PTH2R: variants seen among roughly 807,000 people sequenced by gnomAD.
PTH2R encodes PTH2 receptor.
PTH2R carries 59 observed loss-of-function variants against 60.3 expected under a neutral mutation model. The observed-to-expected ratio is 0.98, with a 90% CI of 0.79 to 1.22. The LOEUF is 1.22. PTH2R is among the 50% of genes most tolerant of loss of function. PTH2R has a pLI of 0.00. For synonymous variants in PTH2R, 256 were observed against 243.8 expected, an observed-to-expected ratio of 1.05 and a Z score of -0.47; for missense variants, 749 against 682.6, an observed-to-expected ratio of 1.10 and a Z score of -1.08.
At chr2:208,361,195 A>G (rs2125863234) in intron 1 of PTH2R, 1 of 155,122 alleles carries the variant, frequency 6.4e-6, no homozygotes, top group East Asian at 1.9e-4. Flanking sequence ...CGATGAGGTT[A>G]CTCTTGGAGG....
Position 208,437,833 on chromosome 2 carries a change from T to C in PTH2R, c.363T>C (p.Asn121=). The part of the protein sequence containing the change: ...FMHSLNKTWA[N]YSDCLRFLQP... ...ACAGCTTAAATAAAACATGGGCCAA[T>C]TATTCAGACTGCCTTCGCTTTCTGC... Residue 121 remains asparagine (N), a synonymous_variant, in exon 4 of 13, where the codon AAT becomes AAC. Transcript: ENST00000272847. The C allele has an allele frequency of 1.2e-6, 2 of 1,613,906 alleles. No individual in the cohort carries two copies. Among genetic ancestry groups the C allele is most frequent in the East Asian group, 4.5e-5 (2 of 44,876 alleles).
intron 1 of PTH2R, among the ~76,000 whole-genome samples, chr2:208,410,027 A>G (rs544871213): frequency 6.6e-6 from 1 of 152,230 alleles, no homozygotes; most frequent in East Asian, 1.9e-4. Flanking sequence ...TTCCAACTCA[A>G]AGGAGAACCT....
Position 208,428,270 on chromosome 2 carries a change from G to A in PTH2R, c.145G>A (p.Glu49Lys). The A allele has an allele frequency of 6.2e-7, 1 of 1,613,322 alleles. No homozygotes were observed. Among genetic ancestry groups the A allele is most frequent in the Non-Finnish European group, 8.5e-7 (1 of 1,179,688 alleles). The change falls in exon 2 of 13, where the codon GAA becomes AAA. Residue 49 changes from glutamate (E) to lysine (K), a missense_variant. Physicochemically the swap from Glu to Lys is moderately conservative, Grantham distance 56 (BLOSUM62 1). Coordinates refer to ENST00000272847, the MANE Select transcript of PTH2R (RefSeq NM_005048.4). ...VLVLKAKVQC[E>K]LNITAQLQEG... ...TGTGCTGAAAGCGAAAGTACAATGT[G>A]AACTCAACATCACAGCTCAACTCCA...
At chr2:208,359,720 C>G (rs1355119757) in exon 1 of PTH2R, 2 of 152,926 alleles carry the variant, frequency 1.3e-5, no homozygotes, top group African/African-American at 4.8e-5. Context: ...CTCCGTGCTC[C>G]GAGGGACCAC....
At chr2:208,374,224 T>C (rs1046072372) in intron 1 of PTH2R, among the ~76,000 whole-genome samples, 3 of 152,114 alleles carry the variant, frequency 2.0e-5, no homozygotes, top group African/African-American at 4.8e-5. Flanking sequence ...GGTTCTTTTT[T>C]ACTCTTGATC....
intron 1 of PTH2R, among the ~76,000 whole-genome samples, chr2:208,365,493 C>T (rs1418538032): frequency 6.6e-6 from 1 of 151,996 alleles, no homozygotes; most frequent in Non-Finnish European, 1.5e-5. Flanking sequence ...CATTGATTTT[C>T]ATATGTTGAA....
rs575015547 is a variant in PTH2R, at chr2:208,394,255, GT to G, written c.-258-33945del. On this transcript the variant is annotated intron_variant, in intron 1 of 12. Coordinates refer to the PTH2R transcript ENST00000617735. ...ATGCCCTTGTGCAATAGAATATGAA[GT>G]GCTTTTTCTTCAAAGTCTCAGGGCC... 2.1e-3 allele frequency among the ~76,000 whole-genome samples: 315 copies of G among 152,348 alleles called. 2 individuals are homozygous for G. The highest frequency in any genetic ancestry group is 7.2e-3 in the African/African-American group (299 of 41,576).
intron 1 of PTH2R, among the ~76,000 whole-genome samples, chr2:208,380,264 G>A (rs538959066): frequency 6.6e-6 from 1 of 152,264 alleles, no homozygotes; most frequent in South Asian, 2.1e-4. Flanking sequence ...AGCAGAGGAA[G>A]CAGCCCCAAG....
chr2:208,477,826 C>T (rs1167176683), intron 9 of PTH2R, among the ~76,000 whole-genome samples: 1 of 151,190 alleles, frequency 6.6e-6, no homozygotes, highest in Non-Finnish European at 1.5e-5. Flanking sequence ...ACATGAAATA[C>T]ACAAGAACCT....
At chr2:208,431,561 G>C (rs1040288777) in intron 2 of PTH2R, among the ~76,000 whole-genome samples, 1 of 152,294 alleles carries the variant, frequency 6.6e-6, no homozygotes, top group Admixed American at 6.5e-5. Flanking sequence ...ATAAATATAG[G>C]CTTGTGGTTA....
rs772102371 is a variant in PTH2R at position 208,442,445 on chromosome 2, A to T, written c.493A>T (p.Ile165Phe). The T allele has an allele frequency of 5.0e-6, 8 of 1,607,830 alleles. No individual in the cohort carries two copies. ...TGGTTCCTTGGCTGTGGCTATTCTC[A>T]TCATTGGTTACTTCAGGTGAGTGAT... ...SFGSLAVAIL[I>F]IGYFRRLHCT... Residue 165 changes from isoleucine to phenylalanine, a missense_variant, in exon 5 of 13, where the codon ATC becomes TTC. By Grantham distance (21) the Ile-to-Phe change is conservative (BLOSUM62 0). Transcript: ENST00000272847.
At chr2:208,476,702 A>T (rs1191567568) in intron 9 of PTH2R, among the ~76,000 whole-genome samples, 1 of 152,186 alleles carries the variant, frequency 6.6e-6, no homozygotes, top group Admixed American at 6.5e-5. Context: ...CTCTGAGGGA[A>T]ACTAACACAT....
rs569385917 is a variant in PTH2R at position 208,394,689 on chromosome 2, C to A, written c.-258-33512C>A. Among the ~76,000 whole-genome samples, 3 of 152,314 alleles carry A rather than the reference C, an allele frequency of 2.0e-5. No individual in the cohort carries two copies. The East Asian group carries it at 5.8e-4, about 29-fold the overall frequency. On this transcript the variant is annotated intron_variant, in intron 1 of 12. Coordinates refer to the PTH2R transcript ENST00000617735. ...AAAACTACGTAATTGAGCAAGGCCC[C>A]TTTAAGGGAGGGGGCGTGCTAGATT...
intron 1 of PTH2R, among the ~76,000 whole-genome samples, chr2:208,418,819 C>A (rs1701694067): frequency 6.6e-6 from 1 of 152,256 alleles, no homozygotes; most frequent in African/African-American, 2.4e-5. Context: ...TCCTGGAAAT[C>A]ATGTTAGGTC....
At chr2:208,479,196 C>G (rs115925684) in intron 9 of PTH2R, among the ~76,000 whole-genome samples, 2 of 151,612 alleles carry the variant, frequency 1.3e-5, no homozygotes, top group African/African-American at 4.9e-5. Context: ...GTGGACTCAT[C>G]GGCATGTATT....
intron 1 of PTH2R, among the ~76,000 whole-genome samples, chr2:208,411,048 C>T (rs1701530448): frequency 6.6e-6 from 1 of 152,160 alleles, no homozygotes; most frequent in South Asian, 2.1e-4. Flanking sequence ...GAGTTCGAGA[C>T]CAGCCTGGCC....
chr2:208,478,699 A>C (rs998217942), intron 9 of PTH2R, among the ~76,000 whole-genome samples: 1 of 152,122 alleles, frequency 6.6e-6, no homozygotes, highest in African/African-American at 2.4e-5. Flanking sequence ...TTCTGTCTCC[A>C]TCTCAGTCTA....
chr2:208,456,327 G>T (rs1232717598), intron 8 of PTH2R, among the ~76,000 whole-genome samples: 4 of 152,068 alleles, frequency 2.6e-5, no homozygotes, highest in Non-Finnish European at 5.9e-5. Context: ...GAGCAATTTT[G>T]TTCTCTTTCT....
intron 6 of PTH2R, 32 bp downstream of exon 6, chr2:208,443,569 A>G (rs958502241): frequency 1.2e-5 from 18 of 1,535,336 alleles, no homozygotes; most frequent in African/African-American, 1.4e-5. Flanking sequence ...TCTCATTACT[A>G]ATTTGTATAA....
Sources: allele counts gnomAD v4.1 joint callset (sites outside exome capture counted in the v4.1 genomes callset), GRCh38; gene constraint gnomAD v4.1.1; transcripts MANE v1.5; gene names NCBI Gene and HGNC (gene_info 2026-07-23, HGNC 2026-07-21).